Variants in NCKAP5 observed in about 807,000 individuals in gnomAD.
NCKAP5 encodes NCK associated protein 5.
In NCKAP5, 92 loss-of-function variants were observed where a neutral mutation model predicts 167.0. The ratio of observed to expected loss-of-function variants is 0.55; its 90% confidence interval spans 0.47 to 0.66. The LOEUF (loss-of-function observed/expected upper bound fraction) is 0.66. Among genes scored for constraint, NCKAP5 ranks in the 30% least tolerant of loss-of-function variants. The pLI, the probability that NCKAP5 is intolerant of heterozygous loss-of-function variation, is 0.00. For synonymous variants in NCKAP5, 891 were observed against 877.4 expected (o/e 1.02, Z -0.27); for missense variants, 2,378 against 2,315.0 (o/e 1.03, Z -0.56).
intron 19 of NCKAP5, among the ~76,000 whole-genome samples, chr2:132,698,383 C>T (rs775452641): frequency 6.6e-6 from 1 of 152,142 alleles, no homozygotes; most frequent in African/African-American, 2.4e-5. Flanking sequence ...CTGGGCAGAC[C>T]AGAGAGTGAA....
At chr2:133,550,906 G>C (rs1424172456) in intron 2 of NCKAP5, among the ~76,000 whole-genome samples, 3,129 of 150,438 alleles carry the variant, frequency 0.021, 115 homozygotes, top group African/African-American at 0.073. Flanking sequence ...AAAGTCTCAG[G>C]ATACAAAATC....
Position 133,439,064 on chromosome 2 carries a change from T to C in NCKAP5, c.69+78394A>G, listed in dbSNP as rs145323297. Among the ~76,000 whole-genome samples, 183 of 152,348 alleles carry C rather than the reference T, an allele frequency of 1.2e-3. 1 individual carries two copies. Among genetic ancestry groups the C allele is most frequent in the African/African-American group, 3.8e-3 (157 of 41,584 alleles). On this transcript the variant is annotated intron_variant, in intron 3 of 19. Coordinates refer to ENST00000409261, the MANE Select transcript of NCKAP5 (RefSeq NM_207363.3). ...GAATACTTTGAGTCATGCAAGAATA[T>C]AGAATGCCTTTTATTCAAAAGCTTC...
chr2:132,915,402 C>CA (rs1196906078), intron 8 of NCKAP5, among the ~76,000 whole-genome samples: 2 of 152,040 alleles, frequency 1.3e-5, no homozygotes, highest in Admixed American at 6.6e-5. Context: ...CTCTAGTCAC[C>CA]AAAATCCCAC....
chr2:133,618,063 C>G, the NCKAP5 span, among the ~76,000 whole-genome samples: 15 of 150,820 alleles, frequency 9.9e-5, no homozygotes, highest in South Asian at 3.1e-3. Context: ...AAAGGATTCC[C>G]TATTTAATAA....
At chr2:133,185,474 A>G (rs757463295) in intron 5 of NCKAP5, among the ~76,000 whole-genome samples, 6 of 151,332 alleles carry the variant, frequency 4.0e-5, no homozygotes, top group Non-Finnish European at 8.8e-5. Flanking sequence ...ACATTTTAGA[A>G]CAGTTTTTTT....
chr2:132,934,136 G>T (rs989656746), intron 8 of NCKAP5, among the ~76,000 whole-genome samples: 27 of 152,194 alleles, frequency 1.8e-4, no homozygotes, highest in African/African-American at 6.0e-4. Flanking sequence ...AGTTGTTGGT[G>T]TATGGCCAAG....
At position 133,324,066 on chromosome 2, in the gene NCKAP5, G is replaced by A. The variant is rs185807009; in HGVS notation, c.70-20956C>T. On this transcript the variant is annotated intron_variant, in intron 3 of 19. Transcript: ENST00000409261. The stretch of plus-strand genomic sequence containing the variant: ...AGCTTCTAAAAATACCTGCCTTCAC[G>A]TATGTCCTTTGGCTCCGGGAGGTTT... 7.5e-4 allele frequency among the ~76,000 whole-genome samples: 114 copies of A among 152,298 alleles called. 1 individual carries two copies. The highest frequency in any genetic ancestry group is 2.6e-3 in the African/African-American group (108 of 41,554).
chr2:132,697,654 A>G (rs1247650300), intron 19 of NCKAP5, among the ~76,000 whole-genome samples: 2 of 151,636 alleles, frequency 1.3e-5, no homozygotes, highest in South Asian at 2.1e-4. Flanking sequence ...TATGTACACG[A>G]TGACATTTTT....
At chr2:133,672,530 C>T in the NCKAP5 span, among the ~76,000 whole-genome samples, 1 of 152,204 alleles carries the variant, frequency 6.6e-6, no homozygotes, top group African/African-American at 2.4e-5. Context: ...ACAGGTTCTT[C>T]ACCACAGATA....
intron 6 of NCKAP5, among the ~76,000 whole-genome samples, chr2:133,125,358 A>C (rs1000586979): frequency 1.3e-5 from 2 of 152,128 alleles, no homozygotes; most frequent in Admixed American, 1.3e-4. Context: ...ATGGATAATA[A>C]ATCCAGGGGT....
chr2:132,696,519 G>C (rs1056026778), intron 19 of NCKAP5, among the ~76,000 whole-genome samples: 1 of 152,136 alleles, frequency 6.6e-6, no homozygotes, highest in Non-Finnish European at 1.5e-5. Flanking sequence ...ACTTCACTGA[G>C]GTAGATTCTC....
chr2:133,659,002 T>TA, the NCKAP5 span, among the ~76,000 whole-genome samples: 1 of 152,128 alleles, frequency 6.6e-6, no homozygotes, highest in Non-Finnish European at 1.5e-5. Flanking sequence ...ATTTAATTTT[T>TA]AAAAATTTAA....
At chr2:133,209,297 T>C (rs1240469693) in intron 5 of NCKAP5, among the ~76,000 whole-genome samples, 1 of 150,792 alleles carries the variant, frequency 6.6e-6, no homozygotes, top group Non-Finnish European at 1.5e-5. Flanking sequence ...TAAAAAATAC[T>C]GAACAGTAAG....
At chr2:133,233,070 G>A (rs979229595) in intron 4 of NCKAP5, among the ~76,000 whole-genome samples, 2 of 152,148 alleles carry the variant, frequency 1.3e-5, no homozygotes, top group Non-Finnish European at 2.9e-5. Context: ...GCTGCTCCCT[G>A]GAAAAACCTG....
At position 132,672,978 on chromosome 2, in the gene NCKAP5, T is replaced by C. The variant is rs950648529; in HGVS notation, c.*311A>G. 54 of 359,302 alleles carry C rather than the reference T, an allele frequency of 1.5e-4. No individual in the cohort carries two copies. The African/African-American group carries it at 1.6e-3, about 11-fold the overall frequency. 22.3% of individuals were successfully genotyped at this position (359,302 alleles called of 1,614,324 possible). On this transcript the variant is annotated 3_prime_UTR_variant, in exon 20 of 20. Transcript: ENST00000409261. ...TGCACCCCCCACCCCCCACCCATCATTTCTTAAGCGCTCCAGTCCCAGCTC... is the reference window on the plus strand; with the variant it reads ...TGCACCCCCCACCCCCCACCCATCACTTCTTAAGCGCTCCAGTCCCAGCTC...
chr2:133,021,865 A>G (rs2078541041), intron 6 of NCKAP5, among the ~76,000 whole-genome samples: 1 of 152,196 alleles, frequency 6.6e-6, no homozygotes, highest in African/African-American at 2.4e-5. Context: ...TCCTGAGCTC[A>G]GGAAATCCAC....
intron 3 of NCKAP5, among the ~76,000 whole-genome samples, chr2:133,468,453 G>A (rs1356534284): frequency 6.6e-6 from 1 of 150,984 alleles, no homozygotes; most frequent in Non-Finnish European, 1.5e-5. Context: ...TTTTGGAATA[G>A]GTGTGGTGTG....
intron 2 of NCKAP5, among the ~76,000 whole-genome samples, chr2:133,556,145 T>G (rs1417366547): frequency 6.6e-6 from 1 of 152,186 alleles, no homozygotes; most frequent in African/African-American, 2.4e-5. Context: ...GAGGAAGGCT[T>G]CTAGGGTGCT....
intron 6 of NCKAP5, among the ~76,000 whole-genome samples, chr2:133,066,909 G>T (rs1461311677): frequency 6.6e-6 from 1 of 152,200 alleles, no homozygotes; most frequent in African/African-American, 2.4e-5. Context: ...AACAGTGGAA[G>T]TTTCTGTTTT....
Sources: allele counts gnomAD v4.1 joint callset (sites outside exome capture counted in the v4.1 genomes callset), GRCh38; gene constraint gnomAD v4.1.1; transcripts MANE v1.5; gene names NCBI Gene and HGNC (gene_info 2026-07-23, HGNC 2026-07-21).